The following SLC6A20 variants were observed in gnomAD, a reference collection of about 807,000 sequenced individuals.
SLC6A20 encodes the protein solute carrier family 6 member 20.
In SLC6A20, 73 loss-of-function variants were observed where a neutral mutation model predicts 64.3. That is an observed-to-expected ratio of 1.14 (90% CI 0.94 to 1.38). The LOEUF is 1.38. Among genes scored for constraint, SLC6A20 ranks in the 40% most tolerant of loss-of-function variants. The pLI is 0.00. For missense variants in SLC6A20, 725 were observed against 772.8 expected (o/e 0.94, Z 0.73); for synonymous variants, 347 against 329.6 (o/e 1.05, Z -0.57).
chr3:45,758,408 TG>T lies in SLC6A20; in HGVS notation c.*569del. The stretch of plus-strand genomic sequence containing the variant: ...AGAGACCTTAGAGAAAGGATCCCTT[TG>T]GGGGTCCCAGACAAAGATCTTCTTT... On this transcript the variant is annotated 3_prime_UTR_variant, in exon 11 of 11. Coordinates refer to ENST00000358525, the MANE Select transcript of SLC6A20 (RefSeq NM_020208.4). 1.6e-6 allele frequency: 2 copies of T among 1,276,666 alleles called. No individual in the cohort carries two copies. The highest frequency in any genetic ancestry group is 2.0e-6 in the Non-Finnish European group (2 of 983,162). The allele number at this position is 1,276,666 out of a possible 1,614,324, so 79.1% of individuals were successfully genotyped here.
chr3:45,770,152 A>G, intron 7 of SLC6A20, 57 bp downstream of exon 7: 1 of 1,600,752 alleles, frequency 6.2e-7, no homozygotes, highest in East Asian at 2.2e-5. Context: ...CAGCTCACCA[A>G]GGTTCCCATG....
rs766117799 is a variant in SLC6A20, at chr3:45,759,087, G to A, written c.1670C>T (p.Ala557Val). ...GGAGGCCACAAGCAGCCCGATGACA[G>A]CCAGTGCATAGGCCGGGTAATCTTT... ...VTKDYPAYAL[A>V]VIGLLVASST... Residue 557 changes from alanine to valine, a missense_variant, in exon 11 of 11, where the codon GCT (alanine) becomes GTT (valine). Coordinates refer to ENST00000358525, the MANE Select transcript of SLC6A20 (RefSeq NM_020208.4). The A allele has an allele frequency of 4.3e-6, 7 of 1,612,844 alleles. No individual in the cohort carries two copies. In the Admixed American group the frequency reaches 1.2e-4, roughly 27 times the overall value.
Position 45,782,065 on chromosome 3 carries a change from T to C in SLC6A20, c.262+18A>G. ...CCCGGGTCTCTGGGTGGGAGAGGAC[T>C]GGAGGGGCCCCACGTACCGACACCA... is the stretch of plus-strand genomic sequence containing the variant. On this transcript the variant is annotated intron_variant, in intron 2 of 10. Coordinates refer to ENST00000358525, the MANE Select transcript of SLC6A20 (RefSeq NM_020208.4). 1 of 1,589,646 alleles carries C rather than the reference T, an allele frequency of 6.3e-7. No homozygotes were observed. The highest frequency in any genetic ancestry group is 8.6e-7 in the Non-Finnish European group (1 of 1,167,188).
intron 1 of SLC6A20, among the ~76,000 whole-genome samples, chr3:45,790,866 G>C (rs1322188343): frequency 2.6e-5 from 4 of 152,134 alleles, no homozygotes; most frequent in African/African-American, 9.7e-5. Context: ...CATTGCCCTA[G>C]TCCCCGCCTC....
intron 9 of SLC6A20, among the ~76,000 whole-genome samples, chr3:45,760,650 GCT>G (rs1699659664): frequency 6.6e-6 from 1 of 152,238 alleles, no homozygotes; most frequent in South Asian, 2.1e-4. Flanking sequence ...CATGCCTGTA[GCT>G]CTCTTTTCCC....
chr3:45,759,708 A>G lies in SLC6A20; in HGVS notation c.1629+149T>C, dbSNP rs1324888017. On this transcript the variant is annotated intron_variant, in intron 10 of 10. Transcript: ENST00000358525. ...AAGCCCAGCTCCTCCGTGCTGGACT[A>G]TTTCTAAAATACCTCAGTGATATTT... The G allele has an allele frequency of 9.1e-6, 10 of 1,100,270 alleles. No individual in the cohort carries two copies. In the East Asian group the frequency reaches 1.2e-4, roughly 13 times the overall value. 68.2% of individuals were successfully genotyped at this position (1,100,270 alleles called of 1,614,324 possible). A position where few individuals can be genotyped will look rare whatever the true frequency, so the allele number is the denominator to read the frequency against.
chr3:45,791,385 A>G (rs1449403189), intron 1 of SLC6A20, among the ~76,000 whole-genome samples: 1 of 152,238 alleles, frequency 6.6e-6, no homozygotes, highest in Admixed American at 6.5e-5. Context: ...GATAGGACAG[A>G]AGCATCAGTA....
chr3:45,776,317 G>A (rs977866526), intron 3 of SLC6A20, among the ~76,000 whole-genome samples: 3 of 152,118 alleles, frequency 2.0e-5, no homozygotes, highest in African/African-American at 7.2e-5. Context: ...ATGGAACTCC[G>A]ACCCACGGCC....
At chr3:45,784,278 G>T (rs1036569805) in intron 1 of SLC6A20, among the ~76,000 whole-genome samples, 18 of 152,194 alleles carry the variant, frequency 1.2e-4, no homozygotes, top group Non-Finnish European at 2.5e-4. Context: ...AAGAAATGAT[G>T]CTAGAACAAT....
intron 1 of SLC6A20, among the ~76,000 whole-genome samples, chr3:45,795,544 A>C (rs928618748): frequency 1.3e-5 from 2 of 152,052 alleles, no homozygotes; most frequent in Non-Finnish European, 2.9e-5. Flanking sequence ...CGAGAAAAAA[A>C]GTGTTTTAGA....
chr3:45,759,085 C>G lies in SLC6A20; in HGVS notation c.1672G>C (p.Val558Leu), dbSNP rs553406056. The change falls in exon 11 of 11, where the codon GTC becomes CTC. Residue 558 changes from valine to leucine, a missense_variant. Physicochemically the swap from Val to Leu is conservative, Grantham distance 32 (BLOSUM62 1). Transcript: ENST00000358525. Reference sequence around the variant, plus strand: ...GAGGAGGCCACAAGCAGCCCGATGACAGCCAGTGCATAGGCCGGGTAATCT... The same window carrying G: ...GAGGAGGCCACAAGCAGCCCGATGAGAGCCAGTGCATAGGCCGGGTAATCT... ...TKDYPAYALA[V>L]IGLLVASSTM... 1.9e-6 allele frequency: 3 copies of G among 1,612,730 alleles called. No homozygotes were observed. The Admixed American group carries it at 5.0e-5, about 27-fold the overall frequency.
chr3:45,772,213 TGAG>T (rs1699883672), intron 5 of SLC6A20: 1 of 347,014 alleles, frequency 2.9e-6, no homozygotes. Flanking sequence ...GAAAGGGGCT[TGAG>T]GTGAGGCAGT....
intron 1 of SLC6A20, among the ~76,000 whole-genome samples, chr3:45,783,887 T>C (rs1700135218): frequency 6.6e-6 from 1 of 152,230 alleles, no homozygotes; most frequent in African/African-American, 2.4e-5. Context: ...TTTCAGCACC[T>C]TGTGAGTTTT....
At chr3:45,781,020 G>C (rs1480081924) in intron 2 of SLC6A20, among the ~76,000 whole-genome samples, 1 of 152,164 alleles carries the variant, frequency 6.6e-6, no homozygotes, top group Non-Finnish European at 1.5e-5. Context: ...ACACTTCTGT[G>C]TTAAAAATTA....
rs777020355 is a variant in SLC6A20 at position 45,772,551 on chromosome 3, G to C, written c.647C>G (p.Thr216Arg). 4.2e-5 allele frequency: 67 copies of C among 1,613,840 alleles called. No homozygotes were observed. The highest frequency in any genetic ancestry group is 5.5e-5 in the Non-Finnish European group (65 of 1,179,934). ...GAGGCCATTGGTGGCTCCGTGGAGC[G>C]TGAGGCCCCTGATGAGGTAGATGAT... ...VLIIYLIRGL[T>R]LHGATNGLMY... Residue 216 changes from threonine to arginine, a missense_variant, in exon 5 of 11, where the codon ACG becomes AGG. Coordinates refer to ENST00000358525, the MANE Select transcript of SLC6A20 (RefSeq NM_020208.4).
chr3:45,783,411 C>T (rs572845086), intron 1 of SLC6A20, among the ~76,000 whole-genome samples: 38 of 152,362 alleles, frequency 2.5e-4, no homozygotes, highest in Non-Finnish European at 5.1e-4. Context: ...ATTGTACACA[C>T]GTGCTGTGCT....
intron 1 of SLC6A20, among the ~76,000 whole-genome samples, chr3:45,784,409 T>C (rs1262884756): frequency 6.6e-6 from 1 of 152,192 alleles, no homozygotes; most frequent in Non-Finnish European, 1.5e-5. Context: ...TATATAAGAA[T>C]ACAGGAGAAA....
chr3:45,759,693 C>A (rs557052109), intron 10 of SLC6A20, among the ~76,000 whole-genome samples, 164 bp downstream of exon 10: 1 of 152,216 alleles, frequency 6.6e-6, no homozygotes, highest in African/African-American at 2.4e-5. Flanking sequence ...AAGCCCAGCT[C>A]CTCCGTGCTG....
chr3:45,781,118 G>C (rs1700077821), intron 2 of SLC6A20, among the ~76,000 whole-genome samples: 1 of 152,148 alleles, frequency 6.6e-6, no homozygotes, highest in South Asian at 2.1e-4. Flanking sequence ...CTCATCAGGA[G>C]GCTGAGGCAG....
Sources: gnomAD v4.1 joint callset for allele counts (sites outside exome capture counted in the v4.1 genomes callset) on GRCh38, gnomAD v4.1.1 for gene constraint, MANE v1.5 for transcripts, NCBI Gene and HGNC (gene_info 2026-07-23, HGNC 2026-07-21) for gene names.